The following CUL7 variants were observed in gnomAD, a reference collection of about 807,000 sequenced individuals.
CUL7 encodes the protein cullin 7.
Under a neutral mutation model 177.7 loss-of-function variants are expected in CUL7, and 96 were observed. The ratio of observed to expected loss-of-function variants is 0.54; its 90% confidence interval spans 0.46 to 0.64. The LOEUF is 0.64. CUL7 is among the 30% of genes least tolerant of loss of function. CUL7 has a pLI of 0.00. For missense variants in CUL7, 1,893 were observed against 2,187.9 expected (o/e 0.87, Z 2.69); for synonymous variants, 824 against 890.2 (o/e 0.93, Z 1.32).
Position 43,053,836 on chromosome 6 carries a change from G to C in CUL7, c.-223C>G, listed in dbSNP as rs568769987. On this transcript the variant is annotated 5_prime_UTR_variant, in exon 1 of 26. Coordinates refer to ENST00000265348, the MANE Select transcript of CUL7 (RefSeq NM_014780.5). The surrounding 1 kb of genome is among the most constrained non-coding windows in gnomAD (Gnocchi z 4.1). Reference sequence around the variant, plus strand: ...GGGCCCGGTCCCTGCCAGCGGCTCCGCCAGCCAAAAGCCACGGCTCATTTC... The same window carrying C: ...GGGCCCGGTCCCTGCCAGCGGCTCCCCCAGCCAAAAGCCACGGCTCATTTC... 7 of 1,532,976 alleles carry C rather than the reference G, an allele frequency of 4.6e-6. No homozygotes were observed. In the East Asian group the frequency reaches 1.7e-4, roughly 38 times the overall value. 95.0% of individuals were successfully genotyped at this position (1,532,976 alleles called of 1,614,324 possible).
In CUL7 at chr6:43,046,223, G is replaced by A. The variant is rs1311432151; in HGVS notation, c.2660+13C>T. On this transcript the variant is annotated intron_variant, in intron 12 of 25. Coordinates refer to ENST00000265348, the MANE Select transcript of CUL7 (RefSeq NM_014780.5). ...CACACGTGTGTGGCAAAGCACATGT[G>A]TGGGAGAGTTACCTGATGAGGATGC... The A allele has an allele frequency of 5.6e-6, 9 of 1,614,112 alleles. No homozygotes were observed. The Admixed American group carries it at 8.3e-5, about 15-fold the overall frequency.
Position 43,043,272 on chromosome 6 carries a change from G to T in CUL7, c.3356-92C>A. 1 of 1,238,246 alleles carries T rather than the reference G, an allele frequency of 8.1e-7. No homozygotes were observed. The highest frequency in any genetic ancestry group is 1.2e-6 in the Non-Finnish European group (1 of 856,062). The allele number at this position is 1,238,246 out of a possible 1,614,324, so 76.7% of individuals were successfully genotyped here. The stretch of plus-strand genomic sequence containing the variant: ...AAGGGGGTTCCCTGAGGCCTTTCCT[G>T]ACATGCTGCCACCCAAAATGATGTT... On this transcript the variant is annotated intron_variant, in intron 17 of 25. Transcript: ENST00000265348. The surrounding 1 kb of genome is among the most constrained non-coding windows in gnomAD (Gnocchi z 4.2).
At position 43,044,744 on chromosome 6, in the gene CUL7, A is replaced by C. The variant is rs1342965468; in HGVS notation, c.3172+8T>G. On this transcript the variant is annotated splice_region_variant and intron_variant, in intron 16 of 25. Coordinates refer to ENST00000265348, the MANE Select transcript of CUL7 (RefSeq NM_014780.5). The stretch of plus-strand genomic sequence containing the variant: ...GATAGTAATGGGTCCAGATGTCAGG[A>C]TGGTTACCAGGGGAGGTGATGTTCT... 6.2e-7 allele frequency: 1 copy of C among 1,607,926 alleles called. No homozygotes were observed. The highest frequency in any genetic ancestry group is 8.5e-7 in the Non-Finnish European group (1 of 1,174,984).
rs757326309 is a variant in CUL7 at position 43,045,405 on chromosome 6, G to A, written c.2863-3C>T. ...CGAATGCGCGTATCAATGCCACCCT[G>A]AAACACACACAGGACTATCTTCACT... is the stretch of plus-strand genomic sequence containing the variant. On this transcript the variant is annotated splice_region_variant and splice_polypyrimidine_tract_variant and intron_variant, in intron 14 of 25. Coordinates refer to ENST00000265348, the MANE Select transcript of CUL7 (RefSeq NM_014780.5). The surrounding 1 kb of genome is among the most constrained non-coding windows in gnomAD (Gnocchi z 4.8). 3.7e-6 allele frequency: 6 copies of A among 1,614,066 alleles called. No homozygotes were observed. The highest frequency in any genetic ancestry group is 5.1e-6 in the Non-Finnish European group (6 of 1,180,050).
At position 43,045,035 on chromosome 6, in the gene CUL7, C is replaced by G; in HGVS notation, c.3039-150G>C. On this transcript the variant is annotated intron_variant, in intron 15 of 25. Coordinates refer to ENST00000265348, the MANE Select transcript of CUL7 (RefSeq NM_014780.5). The surrounding 1 kb of genome is among the most constrained non-coding windows in gnomAD (Gnocchi z 4.8). ...ACTGCTCTGTGCTAACTGGTATATC[C>G]CATTCCCAGCCCACTGGAGAAATCT... 1 of 1,356,812 alleles carries G rather than the reference C, an allele frequency of 7.4e-7. No homozygotes were observed. The highest frequency in any genetic ancestry group is 1.3e-5 in the South Asian group (1 of 74,936). 84.0% of individuals were successfully genotyped at this position (1,356,812 alleles called of 1,614,324 possible).
rs1224197664 is a variant in CUL7, at chr6:43,045,441, C to T, written c.2863-39G>A. Reference sequence around the variant, plus strand: ...AGGACTATCTTCACTCGCTCCACACCTTGGGATGGGCTGGGGTCAGCTACG... The same window carrying T: ...AGGACTATCTTCACTCGCTCCACACTTTGGGATGGGCTGGGGTCAGCTACG... On this transcript the variant is annotated intron_variant, in intron 14 of 25. Coordinates refer to ENST00000265348, the MANE Select transcript of CUL7 (RefSeq NM_014780.5). This position sits in a 1 kb window ranked among gnomAD's most constrained non-coding sequence, Gnocchi z 4.8. The T allele has an allele frequency of 1.9e-6, 3 of 1,614,172 alleles. No homozygotes were observed. The highest frequency in any genetic ancestry group is 2.2e-5 in the South Asian group (2 of 91,086).
At chr6:43,039,744 T>C (rs1035763075) in intron 22 of CUL7, among the ~76,000 whole-genome samples, 94 of 143,632 alleles carry the variant, frequency 6.5e-4, no homozygotes, top group African/African-American at 2.2e-3. Context: ...TCTTTTTTTT[T>C]TTTTTTTTTT....
At chr6:43,048,077 A>G in intron 9 of CUL7, 71 bp downstream of exon 9, 1 of 953,284 alleles carries the variant, frequency 1.0e-6, no homozygotes, top group South Asian at 1.3e-5. Context: ...AGCCTTGCCC[A>G]GCAGGTGTGC....
rs878953104 is a variant in CUL7 at position 43,040,805 on chromosome 6, C to T, written c.3807-59G>A. The T allele has an allele frequency of 1.3e-4, 211 of 1,603,108 alleles. 1 individual carries two copies. The highest frequency in any genetic ancestry group is 6.9e-4 in the South Asian group (63 of 90,778). The stretch of plus-strand genomic sequence containing the variant: ...GTGGGCACCAGTGTGGCCCAGCCTC[C>T]CACTCCAAGGCTCCAGCCTGCCTCT... On this transcript the variant is annotated intron_variant, in intron 20 of 25. Transcript: ENST00000265348. This position sits in a 1 kb window ranked among gnomAD's most constrained non-coding sequence, Gnocchi z 4.2.
rs1561895846 is a variant in CUL7 at position 43,051,606 on chromosome 6, G to A, written c.732+6C>T. 2.5e-6 allele frequency: 4 copies of A among 1,613,992 alleles called. No individual in the cohort carries two copies. The African/African-American group carries it at 5.3e-5, about 22-fold the overall frequency. On this transcript the variant is annotated splice_donor_region_variant and intron_variant, in intron 3 of 25. Coordinates refer to ENST00000265348, the MANE Select transcript of CUL7 (RefSeq NM_014780.5). The surrounding 1 kb of genome is among the most constrained non-coding windows in gnomAD (Gnocchi z 5.0). The stretch of plus-strand genomic sequence containing the variant: ...GTTCCCCCCACCTTACACCCCCAAA[G>A]GTTACCTGTGGTAGCTGAATGCCCT...
In CUL7 at chr6:43,051,575, T is replaced by C; in HGVS notation, c.732+37A>G. 1 of 1,614,130 alleles carries C rather than the reference T, an allele frequency of 6.2e-7. No individual in the cohort carries two copies. The highest frequency in any genetic ancestry group is 1.7e-5 in the Admixed American group (1 of 60,028). ...CAAAGGCCTGGACCCTAGATCTTGT[T>C]CACAAGTTCCCCCCACCTTACACCC... is the stretch of plus-strand genomic sequence containing the variant. On this transcript the variant is annotated intron_variant, in intron 3 of 25. Transcript: ENST00000265348. The surrounding 1 kb of genome is among the most constrained non-coding windows in gnomAD (Gnocchi z 5.0).
At chr6:43,038,535 A>G in intron 24 of CUL7, 31 bp downstream of exon 24, 1 of 1,613,582 alleles carries the variant, frequency 6.2e-7, no homozygotes, top group Non-Finnish European at 8.5e-7. Context: ...CCTGCCTCAG[A>G]GCAGAGGCCC....
chr6:43,048,006 A>G (rs1180816341), intron 9 of CUL7, 142 bp downstream of exon 9: 11 of 632,312 alleles, frequency 1.7e-5, no homozygotes, highest in Non-Finnish European at 2.8e-5. Context: ...AAAAAAAATA[A>G]AATTCAATTT....
At chr6:43,047,500 TTGTG>T (rs1446499868) in intron 9 of CUL7, among the ~76,000 whole-genome samples, 1 of 152,166 alleles carries the variant, frequency 6.6e-6, no homozygotes, top group Non-Finnish European at 1.5e-5. Flanking sequence ...GGGACTGGGT[TTGTG>T]TGTGTATTAT....
In CUL7 at chr6:43,040,725, G is replaced by T. The variant is rs1457409333; in HGVS notation, c.3828C>A (p.Leu1276=). 1 of 1,613,984 alleles carries T rather than the reference G, an allele frequency of 6.2e-7. No individual in the cohort carries two copies. Among genetic ancestry groups the T allele is most frequent in the Non-Finnish European group, 8.5e-7 (1 of 1,180,038 alleles). Residue 1276 remains leucine, a synonymous_variant, in exon 21 of 26, where the codon CTC becomes CTA. Transcript: ENST00000265348. The surrounding 1 kb of genome is among the most constrained non-coding windows in gnomAD (Gnocchi z 4.2). Reference sequence around the variant, plus strand: ...CCAGCCAGCTCGAGACCACGCCCAGGAGACGGTCCGCCATGTAGTGCCTGC... The same window carrying T: ...CCAGCCAGCTCGAGACCACGCCCAGTAGACGGTCCGCCATGTAGTGCCTGC... ...HYYQHYMADR[L]LGVVSSWLEG... is the part of the protein sequence containing the mutation.
At position 43,049,745 on chromosome 6, in the gene CUL7, C is replaced by G. The variant is rs1052508795; in HGVS notation, c.1570-83G>C. ...GAGCACTTGGTAGGGGTGGGGGTCT[C>G]TCTGCACACATACCCTCCATCCTGA... On this transcript the variant is annotated intron_variant, in intron 6 of 25. Coordinates refer to ENST00000265348, the MANE Select transcript of CUL7 (RefSeq NM_014780.5). The G allele has an allele frequency of 2.6e-6, 4 of 1,555,006 alleles. No homozygotes were observed. In the Admixed American group the frequency reaches 5.1e-5, roughly 20 times the overall value.
rs539816030 is a variant in CUL7, at chr6:43,045,833, G to C, written c.2767-151C>G. Reference sequence around the variant, plus strand: ...TCCTCATGCCACCCTCATTGTTCAGGGCCTGGTGGCACAAGCACAGGGATA... The same window carrying C: ...TCCTCATGCCACCCTCATTGTTCAGCGCCTGGTGGCACAAGCACAGGGATA... On this transcript the variant is annotated intron_variant, in intron 13 of 25. Coordinates refer to ENST00000265348, the MANE Select transcript of CUL7 (RefSeq NM_014780.5). The surrounding 1 kb of genome is among the most constrained non-coding windows in gnomAD (Gnocchi z 4.8). 50 of 1,078,236 alleles carry C rather than the reference G, an allele frequency of 4.6e-5. No homozygotes were observed. In the African/African-American group the frequency reaches 6.1e-4, roughly 13 times the overall value. 66.8% of individuals were successfully genotyped at this position (1,078,236 alleles called of 1,614,324 possible). A position where few individuals can be genotyped will look rare whatever the true frequency, so the allele number is the denominator to read the frequency against.
At chr6:43,048,057 C>T (rs1052904892) in intron 9 of CUL7, 91 bp downstream of exon 9, 24 of 783,258 alleles carry the variant, frequency 3.1e-5, no homozygotes, top group East Asian at 5.4e-5. Flanking sequence ...GGCTCTATCA[C>T]GCCCTCCAGA....
Position 43,045,771 on chromosome 6 carries a change from C to A in CUL7, c.2767-89G>T. 1 of 1,438,684 alleles carries A rather than the reference C, an allele frequency of 7.0e-7. No homozygotes were observed. The highest frequency in any genetic ancestry group is 9.7e-7 in the Non-Finnish European group (1 of 1,026,530). The allele number at this position is 1,438,684 out of a possible 1,614,324, so 89.1% of individuals were successfully genotyped here. ...AGTCCCCTCACTGTTTCCCTCCCTT[C>A]CCCAGCCCTGGGATGTGTAGGGTCC... On this transcript the variant is annotated intron_variant, in intron 13 of 25. Coordinates refer to ENST00000265348, the MANE Select transcript of CUL7 (RefSeq NM_014780.5). This position sits in a 1 kb window ranked among gnomAD's most constrained non-coding sequence, Gnocchi z 4.8.
Sources: gnomAD v4.1 joint callset for allele counts (sites outside exome capture counted in the v4.1 genomes callset) on GRCh38, gnomAD v4.1.1 for gene constraint, Gnocchi (gnomAD v3.1) non-coding constraint, MANE v1.5 for transcripts, NCBI Gene and HGNC (gene_info 2026-07-23, HGNC 2026-07-21) for gene names.